The following SNX8 variants were observed in gnomAD, a reference collection of about 807,000 sequenced individuals.
The protein encoded by SNX8 is sorting nexin-8.
SNX8 carries 25 observed loss-of-function variants against 51.6 expected under a neutral mutation model. The ratio of observed to expected loss-of-function variants is 0.48; its 90% CI spans 0.35 to 0.68. SNX8 has a LOEUF of 0.68. Ranked by LOEUF, SNX8 falls within the 30% of genes least tolerant of loss-of-function variation. The pLI is 0.00. For missense variants in SNX8, 695 were observed against 624.0 expected (o/e 1.11, Z -1.21); for synonymous variants, 324 against 277.0 (o/e 1.17, Z -1.68).
At chr7:2,303,595 T>C (rs1026034215) in intron 1 of SNX8, among the ~76,000 whole-genome samples, 33 of 152,230 alleles carry the variant, frequency 2.2e-4, no homozygotes, top group Admixed American at 2.6e-4. Context: ...AGACTTTTCA[T>C]TTTGTTCTGT....
chr7:2,257,449 G>T lies in SNX8; in HGVS notation c.1050C>A (p.Ser350Arg). ...CGCTCATCATCTGCCTCTTCATCAG[G>T]CTGTACTTGTGCAGGGCCCGCTGGT... ...HKHQRALHKYSLMKRQMMSAT... is the reference protein window; with the variant it reads ...HKHQRALHKYRLMKRQMMSAT... Residue 350 changes from serine to arginine, a missense_variant, in exon 9 of 11, where the codon AGC becomes AGA. Transcript: ENST00000222990. The T allele has an allele frequency of 6.2e-7, 1 of 1,609,894 alleles. No homozygotes were observed. The highest frequency in any genetic ancestry group is 8.5e-7 in the Non-Finnish European group (1 of 1,179,062).
At chr7:2,277,959 G>C in intron 2 of SNX8, 141 bp downstream of exon 2, 3 of 1,357,684 alleles carry the variant, frequency 2.2e-6, no homozygotes, top group Non-Finnish European at 2.9e-6. Flanking sequence ...ACTCTGCTGC[G>C]AGTTCTGGAT....
chr7:2,271,842 ACACT>A lies in SNX8; in HGVS notation c.540+4_540+7del. ...GGGCCGGGACATGGGCAGGGCAGAC[ACACT>A]CACCGAGCCGCTGAAGGACAGGAAG... On this transcript the variant is annotated splice_donor_5th_base_variant and intron_variant, in intron 4 of 10. Transcript: ENST00000222990. 2 of 1,597,990 alleles carry A rather than the reference ACACT, an allele frequency of 1.3e-6. No homozygotes were observed. Among genetic ancestry groups the A allele is most frequent in the Non-Finnish European group, 1.7e-6 (2 of 1,172,736 alleles).
chr7:2,335,403 C>A (rs1778808393), intron 1 of SNX8, among the ~76,000 whole-genome samples: 1 of 151,434 alleles, frequency 6.6e-6, no homozygotes, highest in African/African-American at 2.4e-5. Flanking sequence ...AATCCCAGCA[C>A]TTTGGGAGGC....
At chr7:2,302,819 C>A (rs1366714070) in intron 1 of SNX8, among the ~76,000 whole-genome samples, 1 of 151,012 alleles carries the variant, frequency 6.6e-6, no homozygotes, top group African/African-American at 2.4e-5. Context: ...TGAGGAGCGT[C>A]TCTGCCCGGC....
At chr7:2,333,784 C>A (rs1437585631) in intron 1 of SNX8, among the ~76,000 whole-genome samples, 2 of 152,134 alleles carry the variant, frequency 1.3e-5, no homozygotes, top group Non-Finnish European at 2.9e-5. Context: ...AAAAAATGAA[C>A]CTCAATTCTT....
At chr7:2,288,507 C>T (rs1796083513) in intron 1 of SNX8, 1 of 166,588 alleles carries the variant, frequency 6.0e-6, no homozygotes, top group South Asian at 2.1e-4. Context: ...CCCCTCCTCT[C>T]CCTTTCCCTA....
intron 1 of SNX8, among the ~76,000 whole-genome samples, chr7:2,298,339 TTTTC>T (rs1796318240): frequency 6.6e-6 from 1 of 152,002 alleles, no homozygotes; most frequent in African/African-American, 2.4e-5. Context: ...GGCTCTGAAC[TTTTC>T]TTTTTCGTTT....
At chr7:2,258,008 C>CTTT (rs59062161) in intron 7 of SNX8, among the ~76,000 whole-genome samples, 92 of 126,638 alleles carry the variant, frequency 7.3e-4, no homozygotes, top group African/African-American at 2.4e-3. Flanking sequence ...GCCCAGCAGT[C>CTTT]TTTTTTTTTT....
Position 2,257,730 on chromosome 7 carries a change from C to T in SNX8, c.984+5G>A. 1 of 1,613,476 alleles carries T rather than the reference C, an allele frequency of 6.2e-7. No homozygotes were observed. The highest frequency in any genetic ancestry group is 8.5e-7 in the Non-Finnish European group (1 of 1,179,496). On this transcript the variant is annotated splice_donor_5th_base_variant and intron_variant, in intron 8 of 10. Coordinates refer to ENST00000222990, the MANE Select transcript of SNX8 (RefSeq NM_013321.4). ...GCCCCCAGCCAAGGAGCAGCCAAGA[C>T]TCACCTTATAGGACTGCAGCAGATC... is the stretch of plus-strand genomic sequence containing the variant.
chr7:2,319,050 G>A (rs1796795731), upstream of SNX8, among the ~76,000 whole-genome samples: 4 of 151,744 alleles, frequency 2.6e-5, no homozygotes, highest in South Asian at 8.3e-4. Context: ...CTAAAAAACT[G>A]TAAATTGGCC....
intron 1 of SNX8, among the ~76,000 whole-genome samples, chr7:2,331,846 C>T (rs2115236142): frequency 6.6e-6 from 1 of 152,206 alleles, no homozygotes; most frequent in East Asian, 1.9e-4. Context: ...CGCCACTGCA[C>T]TCCAGCCTGG....
At chr7:2,269,454 AT>A in intron 5 of SNX8, 104 bp downstream of exon 5, 1 of 563,500 alleles carries the variant, frequency 1.8e-6, no homozygotes, top group Non-Finnish European at 2.9e-6. Context: ...TCCCTCCACT[AT>A]TGTCCCATGA....
At chr7:2,263,144 G>A (rs1795376617) in intron 7 of SNX8, 86 bp downstream of exon 7, 1 of 1,462,702 alleles carries the variant, frequency 6.8e-7, no homozygotes, top group Non-Finnish European at 9.3e-7. Flanking sequence ...AACGAACTGT[G>A]ACGCCCATCT....
chr7:2,314,483 C>A (rs1268216738), upstream of SNX8: 31 of 1,175,292 alleles, frequency 2.6e-5, no homozygotes, highest in Non-Finnish European at 3.3e-5. Flanking sequence ...CCTGCCGCGC[C>A]GCGCCCTCGC....
intron 1 of SNX8, among the ~76,000 whole-genome samples, chr7:2,286,785 G>T (rs938446269): frequency 6.6e-6 from 1 of 151,726 alleles, no homozygotes; most frequent in African/African-American, 2.4e-5. Flanking sequence ...CAAAGTGCTG[G>T]GATTACAGGC....
At chr7:2,308,665 C>CAAAAAAAA (rs756364188) in intron 1 of SNX8, among the ~76,000 whole-genome samples, 2 of 63,116 alleles carry the variant, frequency 3.2e-5, no homozygotes, top group African/African-American at 6.6e-5. Context: ...GACTCTGTCT[C>CAAAAAAAA]AAAAAAAAAA....
chr7:2,322,438 T>C (rs1778541750), intron 1 of SNX8, among the ~76,000 whole-genome samples: 1 of 152,080 alleles, frequency 6.6e-6, no homozygotes, highest in African/African-American at 2.4e-5. Flanking sequence ...CTCACACCTG[T>C]AATCCCAGCA....
chr7:2,311,061 G>T (rs1189991720), intron 1 of SNX8, among the ~76,000 whole-genome samples: 1 of 152,140 alleles, frequency 6.6e-6, no homozygotes, highest in Non-Finnish European at 1.5e-5. Context: ...TGAAAATTAA[G>T]TTTTTATAAA....
Sources: allele counts gnomAD v4.1 joint callset (sites outside exome capture counted in the v4.1 genomes callset), GRCh38; gene constraint gnomAD v4.1.1; transcripts MANE v1.5; gene names NCBI Gene and HGNC (gene_info 2026-07-23, HGNC 2026-07-21).